The following KDR variants were observed in gnomAD, a reference collection of about 807,000 sequenced individuals.
KDR encodes vascular endothelial growth factor receptor 2.
Under a neutral mutation model 160.9 loss-of-function variants are expected in KDR, and 43 were observed. That is an observed-to-expected ratio of 0.27 (90% confidence interval 0.21 to 0.34). KDR has a LOEUF of 0.34. KDR is among the 10% of genes least tolerant of loss of function. The probability of loss-of-function intolerance (pLI) is 1.00; values close to 1 mark genes in which losing one functional copy is unlikely to be tolerated. For missense variants in KDR, 1,469 were observed against 1,666.4 expected (o/e 0.88, Z 2.06); for synonymous variants, 617 against 600.1 (o/e 1.03, Z -0.41).
chr4:55,090,129 C>T (rs1227272801), intron 22 of KDR, 51 bp from the exon 23 acceptor site: 1 of 1,609,510 alleles, frequency 6.2e-7, no homozygotes, highest in Admixed American at 1.7e-5. Flanking sequence ...TGATCTCTTT[C>T]ACATCTGTTG....
In KDR at chr4:55,104,973, T is replaced by C; in HGVS notation, c.1657A>G (p.Ile553Val). The change falls in exon 13 of 30, where the codon ATT (isoleucine) becomes GTT (valine). Residue 553 changes from isoleucine to valine, a missense_variant. Physicochemically the swap from Ile to Val is conservative, Grantham distance 29. Coordinates refer to ENST00000263923, the MANE Select transcript of KDR (RefSeq NM_002253.4). ...GGCTGCATGTCAGGTTGCAAAGTAA[T>C]TTCAGGACCCCCTAAAATGAAGAGG... ...ISFHVTRGPE[I>V]TLQPDMQPTE... 2 of 1,613,616 alleles carry C rather than the reference T, an allele frequency of 1.2e-6. No homozygotes were observed. The highest frequency in any genetic ancestry group is 1.7e-6 in the Non-Finnish European group (2 of 1,179,762).
chr4:55,102,000 G>T lies in KDR; in HGVS notation c.2163C>A (p.Asn721Lys). The T allele has an allele frequency of 6.2e-7, 1 of 1,613,622 alleles. No homozygotes were observed. ...CCTTCCTCACTCTGCGGATAGTGAGGTTCCGGTTCCCATCCTTCAATACAA... is the reference window on the plus strand; with the variant it reads ...CCTTCCTCACTCTGCGGATAGTGAGTTTCCGGTTCCCATCCTTCAATACAA... ...SGIVLKDGNR[N>K]LTIRRVRKED... The change falls in exon 15 of 30, where the codon AAC (asparagine) becomes AAA (lysine). Residue 721 changes from asparagine to lysine, a missense_variant. Coordinates refer to ENST00000263923, the MANE Select transcript of KDR (RefSeq NM_002253.4).
At chr4:55,103,413 T>A (rs572108011) in intron 13 of KDR, among the ~76,000 whole-genome samples, 2 of 152,306 alleles carry the variant, frequency 1.3e-5, no homozygotes, top group African/African-American at 4.8e-5. Flanking sequence ...TTTCTAAGAA[T>A]AGGTTTTAGG....
At chr4:55,103,040 C>T (rs2110021758) in intron 13 of KDR, among the ~76,000 whole-genome samples, 1 of 152,298 alleles carries the variant, frequency 6.6e-6, no homozygotes, top group South Asian at 2.1e-4. Context: ...TGTTCAGCGA[C>T]ATTAAACCAC....
rs1489692118 is a variant in KDR, at chr4:55,114,257, T to C, written c.667A>G (p.Ile223Val). 6.2e-7 allele frequency: 1 copy of C among 1,613,776 alleles called. No homozygotes were observed. The change falls in exon 6 of 30, where the codon ATT (isoleucine) becomes GTT (valine). Residue 223 changes from isoleucine to valine, a missense_variant. Physicochemically the swap from Ile to Val is conservative, Grantham distance 29. Around this residue, in one of 7 missense-constraint regions of KDR, gnomAD observed 792 missense variants for 840.9 expected, o/e 0.94. Transcript: ENST00000263923. ...GACGGACTCAGAACCACATCATAAA[T>C]CCTATACCCTAGAGCAAGTAAATTG... ...MYIVVVVGYRIYDVVLSPSHG... is the reference protein window; with the variant it reads ...MYIVVVVGYRVYDVVLSPSHG...
At chr4:55,087,570 C>A in intron 27 of KDR, 37 bp downstream of exon 27, 2 of 1,606,926 alleles carry the variant, frequency 1.2e-6, no homozygotes, top group South Asian at 2.2e-5. Context: ...GCCTTGAAGT[C>A]ACCCTCCCCC....
At chr4:55,103,951 G>A (rs1483825132) in intron 13 of KDR, among the ~76,000 whole-genome samples, 1 of 152,172 alleles carries the variant, frequency 6.6e-6, no homozygotes, top group Admixed American at 6.6e-5. Flanking sequence ...ACAAGGGGTA[G>A]ACAGTGCCTC....
Position 55,079,655 on chromosome 4 carries a change from T to C in KDR, c.*286A>G. Reference sequence around the variant, plus strand: ...GGCCATTTCTTGAACGTCTTTGTTCTAAACCCATGGTGAGACCCGCAGCAG... The same window carrying C: ...GGCCATTTCTTGAACGTCTTTGTTCCAAACCCATGGTGAGACCCGCAGCAG... On this transcript the variant is annotated 3_prime_UTR_variant, in exon 30 of 30. Coordinates refer to ENST00000263923, the MANE Select transcript of KDR (RefSeq NM_002253.4). 1 of 491,866 alleles carries C rather than the reference T, an allele frequency of 2.0e-6. No homozygotes were observed. The highest frequency in any genetic ancestry group is 2.2e-5 in the South Asian group (1 of 45,948). 30.5% of individuals were successfully genotyped at this position (491,866 alleles called of 1,614,324 possible).
chr4:55,078,982 GACACCAC>G lies in KDR; in HGVS notation c.*952_*958del, dbSNP rs1316725514. ...AGGGTAAAATCCTTCCTGAAACTTT[GACACCAC>G]ACACAGCTTCACATTGAACCTCCCG... On this transcript the variant is annotated 3_prime_UTR_variant, in exon 30 of 30. Transcript: ENST00000263923. 1 of 233,106 alleles carries G rather than the reference GACACCAC, an allele frequency of 4.3e-6. No individual in the cohort carries two copies. Among genetic ancestry groups the G allele is most frequent in the Non-Finnish European group, 8.5e-6 (1 of 118,084 alleles). The allele number at this position is 233,106 out of a possible 1,614,324, so 14.4% of individuals were successfully genotyped here.
At chr4:55,082,790 A>G (rs1465880302) in intron 27 of KDR, among the ~76,000 whole-genome samples, 155 bp from the exon 28 acceptor site, 1 of 152,236 alleles carries the variant, frequency 6.6e-6, no homozygotes, top group East Asian at 1.9e-4. Flanking sequence ...CTGCTAGCAC[A>G]CATGGAAGGC....
intron 27 of KDR, among the ~76,000 whole-genome samples, chr4:55,086,002 C>G (rs1170578268): frequency 6.6e-6 from 1 of 152,192 alleles, no homozygotes; most frequent in African/African-American, 2.4e-5. Context: ...AGTTCATGAT[C>G]AAATGGCTTT....
chr4:55,117,401 G>C (rs1261167030), intron 3 of KDR, among the ~76,000 whole-genome samples: 2 of 152,192 alleles, frequency 1.3e-5, no homozygotes, highest in Admixed American at 1.3e-4. Flanking sequence ...AGGTCAAAAG[G>C]AGCCAGAAAT....
chr4:55,089,332 G>A (rs373547645), intron 25 of KDR, 42 bp downstream of exon 25: 458 of 1,431,242 alleles, frequency 3.2e-4, no homozygotes, highest in South Asian at 1.5e-3. Context: ...GAGAATTTGC[G>A]AGCAAAGAAA....
chr4:55,109,821 A>T (rs1578136770), intron 9 of KDR, among the ~76,000 whole-genome samples: 1 of 152,118 alleles, frequency 6.6e-6, no homozygotes, highest in South Asian at 2.1e-4. Context: ...GTTTCAGAAA[A>T]CAAAGTTCAA....
At chr4:55,103,779 T>TA (rs551804761) in intron 13 of KDR, among the ~76,000 whole-genome samples, 1,533 of 145,244 alleles carry the variant, frequency 0.011, 16 homozygotes, top group South Asian at 0.041. Flanking sequence ...TTCCTAACAG[T>TA]AAAAAAAAAA....
chr4:55,095,438 A>C (rs547980843), intron 20 of KDR, 139 bp downstream of exon 20: 1 of 694,332 alleles, frequency 1.4e-6, no homozygotes, highest in South Asian at 1.6e-5. Flanking sequence ...TAAAAGAGGA[A>C]GTTACAACAG....
At chr4:55,105,399 C>G (rs1227016216) in intron 12 of KDR, among the ~76,000 whole-genome samples, 1 of 152,188 alleles carries the variant, frequency 6.6e-6, no homozygotes, top group Non-Finnish European at 1.5e-5. Flanking sequence ...TAAAGCTTAT[C>G]CATAAAACTA....
chr4:55,094,512 A>G (rs1005506099), intron 21 of KDR, among the ~76,000 whole-genome samples: 2 of 152,152 alleles, frequency 1.3e-5, no homozygotes, highest in Non-Finnish European at 2.9e-5. Context: ...TCTCACTAAT[A>G]AATGCTGAAC....
In KDR at chr4:55,095,556, C is replaced by A. The variant is rs375948061; in HGVS notation, c.2817+21G>T. 7.0e-5 allele frequency: 107 copies of A among 1,523,008 alleles called. No individual in the cohort carries two copies. In the African/African-American group the frequency reaches 1.4e-3, roughly 19 times the overall value. The allele number at this position is 1,523,008 out of a possible 1,614,324, so 94.3% of individuals were successfully genotyped here. On this transcript the variant is annotated intron_variant, in intron 20 of 29. Transcript: ENST00000263923. ...CCTTCATTTTATAACATGGCCAGAGCAGGATTAGGAGATGACATACCTTGT... is the reference window on the plus strand; with the variant it reads ...CCTTCATTTTATAACATGGCCAGAGAAGGATTAGGAGATGACATACCTTGT...
Sources: allele counts gnomAD v4.1 joint callset (sites outside exome capture counted in the v4.1 genomes callset), GRCh38; gene constraint gnomAD v4.1.1; regional missense constraint gnomAD v4.1.1; transcripts MANE v1.5; gene names NCBI Gene and HGNC (gene_info 2026-07-23, HGNC 2026-07-21).